The following ME1 variants were observed in gnomAD, a reference collection of about 807,000 sequenced individuals.
ME1 encodes malic enzyme 1.
ME1 carries 74 observed loss-of-function variants against 66.4 expected under a neutral mutation model. The observed-to-expected ratio is 1.11, with a 90% confidence interval of 0.92 to 1.35. The LOEUF (loss-of-function observed/expected upper bound fraction) is 1.35, where lower values mean the gene tolerates loss of function less well. Among genes scored for constraint, ME1 ranks in the 40% most tolerant of loss-of-function variants. ME1 has a pLI of 0.00. For synonymous variants in ME1, 251 were observed against 235.6 expected (o/e 1.07, Z -0.60); for missense variants, 750 against 694.1 (o/e 1.08, Z -0.90).
At chr6:83,348,984 CAAAAAAAAAAAAA>C (rs71545855) in intron 4 of ME1, among the ~76,000 whole-genome samples, 1 of 47,188 alleles carries the variant, frequency 2.1e-5, no homozygotes, top group Admixed American at 3.0e-4. Flanking sequence ...AACTCTGTCT[CAAAAAAAAAAAAA>C]AAAACAAAAA....
chr6:83,351,601 G>A (rs539420986), intron 4 of ME1, among the ~76,000 whole-genome samples: 36 of 152,254 alleles, frequency 2.4e-4, no homozygotes, highest in African/African-American at 8.2e-4. Flanking sequence ...CATTCAGAAT[G>A]CTACCAAATG....
chr6:83,341,331 A>T (rs1535588), intron 5 of ME1, among the ~76,000 whole-genome samples: 1 of 151,944 alleles, frequency 6.6e-6, no homozygotes, highest in African/African-American at 2.4e-5. Flanking sequence ...GTGTATCTTT[A>T]GCCCATAATA....
intron 11 of ME1, among the ~76,000 whole-genome samples, chr6:83,225,808 T>TTATATATATATATATATA (rs57577563): frequency 1.4e-5 from 2 of 138,024 alleles, no homozygotes; most frequent in Non-Finnish European, 3.2e-5. Context: ...GCCTGTAACA[T>TTATATATATATATATATA]TATATATATA....
At chr6:83,356,068 CATGTTATCTCAGATAATATCCCTAAAAGT>C (rs1458406125) in intron 3 of ME1, among the ~76,000 whole-genome samples, 1 of 152,078 alleles carries the variant, frequency 6.6e-6, no homozygotes, top group Non-Finnish European at 1.5e-5. Flanking sequence ...CTTACTTCTT[CATGTTATCTCAGATAATATCCCTAAAAGT>C]TTATTTCGTA....
chr6:83,269,968 T>A (rs2128530925), intron 6 of ME1, among the ~76,000 whole-genome samples: 1 of 152,290 alleles, frequency 6.6e-6, no homozygotes, highest in Non-Finnish European at 1.5e-5. Flanking sequence ...ACCTCTGTAT[T>A]GCTCTAAAAC....
At chr6:83,219,590 T>TTATGTATG (rs543396979) in intron 12 of ME1, among the ~76,000 whole-genome samples, 1 of 151,878 alleles carries the variant, frequency 6.6e-6, no homozygotes, top group African/African-American at 2.4e-5. Context: ...CTATTTTGTT[T>TTATGTATG]TATGTATGTA....
intron 5 of ME1, among the ~76,000 whole-genome samples, chr6:83,320,835 A>C (rs539148024): frequency 6.6e-6 from 1 of 152,216 alleles, no homozygotes; most frequent in South Asian, 2.1e-4. Flanking sequence ...AGTAAATCAG[A>C]AAGTTAAAAA....
chr6:83,359,826 T>C (rs1004248572), intron 3 of ME1, among the ~76,000 whole-genome samples: 2 of 152,192 alleles, frequency 1.3e-5, no homozygotes, highest in Non-Finnish European at 2.9e-5. Context: ...GCATGTCAGA[T>C]GTAACATGGG....
At chr6:83,293,925 T>G (rs1767549923) in intron 6 of ME1, among the ~76,000 whole-genome samples, 1 of 152,220 alleles carries the variant, frequency 6.6e-6, no homozygotes. Context: ...ACTCTCTGTG[T>G]GCACTTGAGA....
At chr6:83,222,326 G>GC (rs1790109791) in intron 12 of ME1, among the ~76,000 whole-genome samples, 1 of 152,110 alleles carries the variant, frequency 6.6e-6, no homozygotes, top group South Asian at 2.1e-4. Flanking sequence ...TTGCTTCCAA[G>GC]CATCTGTTCT....
chr6:83,216,589 G>T lies in ME1; in HGVS notation c.1457C>A (p.Ala486Asp). The T allele has an allele frequency of 6.3e-7, 1 of 1,596,994 alleles. No homozygotes were observed. The change falls in exon 13 of 14, where the codon GCT becomes GAT. Residue 486 changes from alanine (A) to aspartate (D), a missense_variant. Physicochemically the swap from Ala to Asp is moderately radical, Grantham distance 126. Transcript: ENST00000369705. ...CAAGTGTTTATCTGACACTTGCTGA[G>T]CTATAACCTTATGAAAAAAAGAAAG... ...NIFLTTAEVI[A>D]QQVSDKHLEE... is the part of the protein sequence containing the mutation.
chr6:83,325,951 A>AC lies in ME1; in HGVS notation c.601-10539_601-10538insG, dbSNP rs1554268400. Among the ~76,000 whole-genome samples, 201 of 150,872 alleles carry AC rather than the reference A, an allele frequency of 1.3e-3. 2 individuals are homozygous for AC. Among genetic ancestry groups the AC allele is most frequent in the Middle Eastern group, 3.4e-3 (1 of 292 alleles). ...AAACACAAAAAAACGAAGCAAACAA[A>AC]AAAAAAAAAAAACAAAGCTGGAGGC... On this transcript the variant is annotated intron_variant, in intron 5 of 13. Transcript: ENST00000369705.
At chr6:83,320,714 C>T (rs1768153642) in intron 5 of ME1, among the ~76,000 whole-genome samples, 1 of 152,304 alleles carries the variant, frequency 6.6e-6, no homozygotes, top group South Asian at 2.1e-4. Flanking sequence ...TACGTTTCCC[C>T]TTCTCTTTTC....
intron 6 of ME1, among the ~76,000 whole-genome samples, chr6:83,282,959 T>C (rs1767326928): frequency 6.6e-6 from 1 of 151,812 alleles, no homozygotes; most frequent in African/African-American, 2.4e-5. Context: ...CCGGGCGCGG[T>C]GGCTCAAGCC....
Position 83,298,931 on chromosome 6 carries a change from G to GTTTTTTTTT in ME1, c.704+16370_704+16378dup, listed in dbSNP as rs61055748. Among the ~76,000 whole-genome samples, 14 of 22,496 alleles carry GTTTTTTTTT rather than the reference G, an allele frequency of 6.2e-4. 1 individual carries two copies. Among genetic ancestry groups the GTTTTTTTTT allele is most frequent in the Non-Finnish European group, 1.0e-3 (13 of 12,860 alleles). 14.8% of individuals were successfully genotyped at this position (22,496 alleles called of 152,430 possible). ...TGCTGTTCCATTAGTCTATGTGTCT[G>GTTTTTTTTT]TTTTTTTTTTTTTTTTTTTTTTTTT... On this transcript the variant is annotated intron_variant, in intron 6 of 13. Transcript: ENST00000369705.
chr6:83,428,680 A>G (rs1009439700), intron 1 of ME1, among the ~76,000 whole-genome samples: 2 of 152,236 alleles, frequency 1.3e-5, no homozygotes, highest in African/African-American at 2.4e-5. Context: ...TGTAGTTTCA[A>G]TGGTACATAG....
intron 13 of ME1, among the ~76,000 whole-genome samples, chr6:83,212,772 T>C (rs942988441): frequency 5.3e-5 from 8 of 152,186 alleles, no homozygotes; most frequent in Non-Finnish European, 1.2e-4. Flanking sequence ...AAACTTCCTC[T>C]TGTGGTTCCC....
intron 1 of ME1, among the ~76,000 whole-genome samples, chr6:83,427,692 T>C (rs2127698649): frequency 6.6e-6 from 1 of 152,184 alleles, no homozygotes; most frequent in African/African-American, 2.4e-5. Context: ...TCCTGCCCTA[T>C]GACAATCAAA....
chr6:83,429,604 GAAAT>G (rs1200514738), intron 1 of ME1, among the ~76,000 whole-genome samples: 1 of 152,052 alleles, frequency 6.6e-6, no homozygotes, highest in Non-Finnish European at 1.5e-5. Context: ...TTTAAAGAAA[GAAAT>G]AAGTTGGAAT....
Sources: gnomAD v4.1 joint callset for allele counts (sites outside exome capture counted in the v4.1 genomes callset) on GRCh38, gnomAD v4.1.1 for gene constraint, MANE v1.5 for transcripts, NCBI Gene and HGNC (gene_info 2026-07-23, HGNC 2026-07-21) for gene names.